The following SORCS3 variants were observed in gnomAD, a reference collection of about 807,000 sequenced individuals.
SORCS3 encodes VPS10 domain-containing receptor SorCS3.
A neutral mutation model predicts 146.3 loss-of-function variants in SORCS3; 57 were observed. That is an observed-to-expected ratio of 0.39 (90% CI 0.31 to 0.49). SORCS3 has a LOEUF of 0.49. SORCS3 is among the 20% of genes least tolerant of loss of function. SORCS3 has a pLI of 0.92. For missense variants in SORCS3, 1,341 were observed against 1,575.5 expected (o/e 0.85, Z 2.52); for synonymous variants, 653 against 618.5 (o/e 1.06, Z -0.83).
intron 5 of SORCS3, among the ~76,000 whole-genome samples, chr10:105,080,950 A>G (rs2055620973): frequency 6.6e-6 from 1 of 152,186 alleles, no homozygotes; most frequent in South Asian, 2.1e-4. Context: ...GTATATTTCA[A>G]AATTATAAAG....
At chr10:104,916,775 A>T (rs1327173742) in intron 3 of SORCS3, among the ~76,000 whole-genome samples, 1 of 152,096 alleles carries the variant, frequency 6.6e-6, no homozygotes, top group Non-Finnish European at 1.5e-5. Flanking sequence ...CTAAAAAAAA[A>T]TGGCACCACC....
chr10:104,969,662 T>C (rs1325358419), intron 3 of SORCS3, among the ~76,000 whole-genome samples: 1 of 152,132 alleles, frequency 6.6e-6, no homozygotes, highest in Non-Finnish European at 1.5e-5. Flanking sequence ...GTAATAAAAA[T>C]GTACTCTCAC....
At chr10:105,072,948 C>T (rs1197064046) in intron 5 of SORCS3, among the ~76,000 whole-genome samples, 1 of 152,136 alleles carries the variant, frequency 6.6e-6, no homozygotes, top group Non-Finnish European at 1.5e-5. Flanking sequence ...CACCATAACC[C>T]TGCGAGGTAA....
chr10:104,911,529 C>A (rs2018967500), intron 2 of SORCS3, among the ~76,000 whole-genome samples: 1 of 152,170 alleles, frequency 6.6e-6, no homozygotes, highest in South Asian at 2.1e-4. Flanking sequence ...GTTGTGACTT[C>A]CATCAGTCCT....
chr10:105,235,740 A>G (rs2119701770), intron 20 of SORCS3, among the ~76,000 whole-genome samples: 1 of 152,108 alleles, frequency 6.6e-6, no homozygotes, highest in East Asian at 1.9e-4. Context: ...TGGACAGAAC[A>G]TGGACCTTGG....
intron 2 of SORCS3, among the ~76,000 whole-genome samples, chr10:104,844,232 C>T (rs531468396): frequency 2.0e-4 from 31 of 152,244 alleles, no homozygotes; most frequent in Non-Finnish European, 2.6e-4. Context: ...TCCACTCACA[C>T]GGTACTTTCC....
chr10:105,039,671 G>A (rs1236381827), intron 4 of SORCS3, among the ~76,000 whole-genome samples: 2 of 151,900 alleles, frequency 1.3e-5, no homozygotes, highest in African/African-American at 4.8e-5. Flanking sequence ...TGGCCAGGAT[G>A]GTCTTGATCT....
chr10:104,642,022 G>GGTGGGGGGGGGGGGGGGGGGCCCCCC, intron 1 of SORCS3, 68 bp downstream of exon 1: 2 of 173,336 alleles, frequency 1.2e-5, no homozygotes, highest in Non-Finnish European at 2.2e-5. Context: ...GGGTGGGTGG[G>GGTGGGGGGGGGGGGGGGGGGCCCCCC]AGCGAGGGAC....
At chr10:104,989,398 T>C (rs983311274) in intron 4 of SORCS3, among the ~76,000 whole-genome samples, 13 of 152,198 alleles carry the variant, frequency 8.5e-5, no homozygotes. Context: ...ATATTGTCCT[T>C]GTGAATTTGG....
chr10:105,135,630 A>G (rs1392976329), intron 7 of SORCS3, among the ~76,000 whole-genome samples: 2 of 151,986 alleles, frequency 1.3e-5, no homozygotes, highest in African/African-American at 4.8e-5. Context: ...CTTGCGTTTT[A>G]CTATAAATGG....
chr10:105,245,689 G>A (rs775187362), intron 21 of SORCS3, 24 bp downstream of exon 21: 3 of 1,612,550 alleles, frequency 1.9e-6, no homozygotes, highest in Non-Finnish European at 2.5e-6. Flanking sequence ...ATTGTTCTGT[G>A]ATGCTCCTTC....
intron 3 of SORCS3, among the ~76,000 whole-genome samples, chr10:104,965,984 A>C (rs942623532): frequency 6.6e-6 from 1 of 152,126 alleles, no homozygotes; most frequent in African/African-American, 2.4e-5. Context: ...GCATACATGC[A>C]TATTGGTGTT....
chr10:105,225,637 G>A (rs903859562), intron 20 of SORCS3, among the ~76,000 whole-genome samples: 1 of 151,840 alleles, frequency 6.6e-6, no homozygotes, highest in South Asian at 2.1e-4. Context: ...GGATTTTGAT[G>A]GGCATTGGAT....
At chr10:104,694,270 C>G (rs1282596691) in intron 1 of SORCS3, among the ~76,000 whole-genome samples, 1 of 151,242 alleles carries the variant, frequency 6.6e-6, no homozygotes, top group African/African-American at 2.4e-5. Flanking sequence ...GAGACAGGCC[C>G]CTGAGTGAGC....
intron 2 of SORCS3, among the ~76,000 whole-genome samples, chr10:104,866,356 C>G (rs2018458959): frequency 6.6e-6 from 1 of 152,040 alleles, no homozygotes; most frequent in South Asian, 2.1e-4. Context: ...AACAGAGTTA[C>G]CAGATTTATG....
chr10:105,241,812 G>T (rs1371310759), intron 20 of SORCS3, among the ~76,000 whole-genome samples: 1 of 152,134 alleles, frequency 6.6e-6, no homozygotes, highest in Non-Finnish European at 1.5e-5. Context: ...GGGATTGTGT[G>T]CTGACTGGTT....
intron 2 of SORCS3, among the ~76,000 whole-genome samples, chr10:104,859,030 A>C (rs1350623057): frequency 6.6e-6 from 1 of 151,688 alleles, no homozygotes; most frequent in African/African-American, 2.4e-5. Context: ...AGAAATATTC[A>C]CTTAGTTGCA....
At chr10:105,124,021 TATTAAGCG>T (rs2055954677) in intron 7 of SORCS3, among the ~76,000 whole-genome samples, 2 of 152,366 alleles carry the variant, frequency 1.3e-5, no homozygotes, top group South Asian at 4.1e-4. Context: ...GACTAGGTCC[TATTAAGCG>T]ATCTCATGAC....
chr10:104,859,546 A>G (rs2018376414), intron 2 of SORCS3, among the ~76,000 whole-genome samples: 2 of 152,242 alleles, frequency 1.3e-5, no homozygotes, highest in Non-Finnish European at 1.5e-5. Flanking sequence ...AGCAATGTCA[A>G]CAAAAGCCAA....
Sources: gnomAD v4.1 joint callset for allele counts (sites outside exome capture counted in the v4.1 genomes callset) on GRCh38, gnomAD v4.1.1 for gene constraint, MANE v1.5 for transcripts, NCBI Gene and HGNC (gene_info 2026-07-23, HGNC 2026-07-21) for gene names.